Variants in GCN1 observed in about 807,000 individuals in gnomAD.
GCN1 encodes the protein GCN1 activator of EIF2AK4, also known as stalled ribosome sensor GCN1.
Under a neutral mutation model 288.4 loss-of-function variants are expected in GCN1, and 90 were observed. The ratio of observed to expected loss-of-function variants is 0.31; its 90% confidence interval spans 0.26 to 0.37. GCN1 has a LOEUF of 0.37. Among genes scored for constraint, GCN1 ranks in the 10% least tolerant of loss-of-function variants. The probability of loss-of-function intolerance (pLI) is 1.00; values close to 1 mark genes in which losing one functional copy is unlikely to be tolerated. For missense variants in GCN1, 2,586 were observed against 3,419.9 expected, an observed-to-expected ratio of 0.76 and a Z score of 6.08; for synonymous variants, 1,386 against 1,420.2, an observed-to-expected ratio of 0.98 and a Z score of 0.54.
Position 120,158,380 on chromosome 12 carries a change from T to G in GCN1, c.2905+80A>C. The G allele has an allele frequency of 8.1e-7, 1 of 1,235,342 alleles. No homozygotes were observed. 76.5% of individuals were successfully genotyped at this position (1,235,342 alleles called of 1,614,324 possible). A position where few individuals can be genotyped will look rare whatever the true frequency, so the allele number is the denominator to read the frequency against. On this transcript the variant is annotated intron_variant, in intron 25 of 57. Coordinates refer to ENST00000300648, the MANE Select transcript of GCN1 (RefSeq NM_006836.2). The surrounding 1 kb of genome is among the most constrained non-coding windows in gnomAD (Gnocchi z 4.3). ...CCAATCCCCCAGGCTCAGGAGGCCC[T>G]GGGTGACGCTGTGCCTTGAGCAGCA...
Position 120,134,072 on chromosome 12 carries a change from A to G in GCN1, c.7317+219T>C, listed in dbSNP as rs75914187. Among the ~76,000 whole-genome samples the G allele has an allele frequency of 0.023, 3,567 of 152,264 alleles. 163 individuals are homozygous for G. Among genetic ancestry groups the G allele is most frequent in the African/African-American group, 0.082 (3,405 of 41,520 alleles). ...ACACAGCAAGACTCAGCCAAAAAAC[A>G]AACAAACAAACGGAAATAACCAATA... is the stretch of plus-strand genomic sequence containing the variant. On this transcript the variant is annotated intron_variant, in intron 53 of 57. Coordinates refer to ENST00000300648, the MANE Select transcript of GCN1 (RefSeq NM_006836.2). This position sits in a 1 kb window ranked among gnomAD's most constrained non-coding sequence, Gnocchi z 5.0.
chr12:120,142,406 AGG>A lies in GCN1; in HGVS notation c.5829+99_5829+100del, dbSNP rs1877226019. On this transcript the variant is annotated intron_variant, in intron 44 of 57. Coordinates refer to ENST00000300648, the MANE Select transcript of GCN1 (RefSeq NM_006836.2). The surrounding 1 kb of genome is among the most constrained non-coding windows in gnomAD (Gnocchi z 4.9). ...AGAACACAATGTCCCTCTGTTAGGC[AGG>A]GTGGATGGGTACTTTCCCAGGCTCT... The A allele has an allele frequency of 5.3e-6, 4 of 760,106 alleles. No homozygotes were observed. Among genetic ancestry groups the A allele is most frequent in the Non-Finnish European group, 9.4e-6 (4 of 425,546 alleles). The allele number at this position is 760,106 out of a possible 1,614,324, so 47.1% of individuals were successfully genotyped here. A position where few individuals can be genotyped will look rare whatever the true frequency, so the allele number is the denominator to read the frequency against.
intron 16 of GCN1, 88 bp from the exon 17 acceptor site, chr12:120,164,809 T>C: frequency 1.2e-6 from 1 of 807,414 alleles, no homozygotes; most frequent in East Asian, 2.6e-5. Context: ...TGGAATGAAC[T>C]GAAAATTAAC....
At position 120,131,290 on chromosome 12, in the gene GCN1, G is replaced by A. The variant is rs1368724131; in HGVS notation, c.7458C>T (p.Ser2486=). The stretch of plus-strand genomic sequence containing the variant: ...CATTCACAGCCACGGAAAGTGCCAG[G>A]CTCCGCCCGTGCCGAACCATCCAGT... ...GIDWMVRHGR[S]LALSVAVNVA... is the part of the protein sequence containing the mutation. Residue 2486 remains serine (S), a synonymous_variant, in exon 55 of 58, where the codon AGC becomes AGT. Coordinates refer to ENST00000300648, the MANE Select transcript of GCN1 (RefSeq NM_006836.2). 6.2e-7 allele frequency: 1 copy of A among 1,613,910 alleles called. No individual in the cohort carries two copies. Among genetic ancestry groups the A allele is most frequent in the Non-Finnish European group, 8.5e-7 (1 of 1,179,982 alleles).
At chr12:120,145,769 A>G (rs1370883681) in intron 38 of GCN1, among the ~76,000 whole-genome samples, 1 of 152,226 alleles carries the variant, frequency 6.6e-6, no homozygotes, top group African/African-American at 2.4e-5. Context: ...AATACAGAAA[A>G]TGCCTTATGT....
Position 120,136,910 on chromosome 12 carries a change from G to T in GCN1, c.6778-178C>A, listed in dbSNP as rs76615305. 3.2e-4 allele frequency among the ~76,000 whole-genome samples: 49 copies of T among 152,288 alleles called. No homozygotes were observed. The East Asian group carries it at 9.1e-3, about 28-fold the overall frequency. ...CTGGCTATGGAACGGTCTTGGCAGA[G>T]AAAAGACGACAAGGGCCCCAACAGG... On this transcript the variant is annotated intron_variant, in intron 50 of 57. Coordinates refer to ENST00000300648, the MANE Select transcript of GCN1 (RefSeq NM_006836.2).
chr12:120,181,839 CAAAA>C (rs1253486479), intron 5 of GCN1, among the ~76,000 whole-genome samples: 5 of 59,970 alleles, frequency 8.3e-5, no homozygotes, highest in South Asian at 1.1e-3. Context: ...AACTCCGTCT[CAAAA>C]AAAAAAAAAA....
chr12:120,176,311 C>A, intron 9 of GCN1, 94 bp from the exon 10 acceptor site: 2 of 789,038 alleles, frequency 2.5e-6, no homozygotes, highest in Non-Finnish European at 2.2e-6. Flanking sequence ...GCCACTAGGC[C>A]TGCTGTCTGG....
chr12:120,163,111 A>G lies in GCN1; in HGVS notation c.1997T>C (p.Leu666Pro). Residue 666 changes from leucine to proline, a missense_variant, in exon 19 of 58, where the codon CTG (leucine) becomes CCG (proline). Around this residue, in one of 8 missense-constraint regions of GCN1, gnomAD observed 913 missense variants for 1,107.0 expected, o/e 0.82. Coordinates refer to ENST00000300648, the MANE Select transcript of GCN1 (RefSeq NM_006836.2). ...GGAGATGATCAGCATTTCCTGGGCC[A>G]GTTGTTCAGTGTCGGTGACATCACC... ...LKGDVTDTEQ[L>P]AQEMLIISHH... The G allele has an allele frequency of 6.2e-7, 1 of 1,614,218 alleles. No homozygotes were observed.
chr12:120,171,506 C>T (rs1015670848), intron 14 of GCN1, among the ~76,000 whole-genome samples: 2 of 152,088 alleles, frequency 1.3e-5, no homozygotes, highest in Admixed American at 6.5e-5. Flanking sequence ...TTTCTTCCCC[C>T]CTACCCCAAC....
intron 1 of GCN1, 102 bp downstream of exon 1, chr12:120,194,578 A>G (rs1441804685): frequency 5.6e-6 from 6 of 1,079,078 alleles, no homozygotes; most frequent in Middle Eastern, 2.0e-4. Context: ...CACAGCCACC[A>G]CCTCCAACGC....
At chr12:120,182,538 C>A (rs567705294) in intron 5 of GCN1, among the ~76,000 whole-genome samples, 1 of 152,156 alleles carries the variant, frequency 6.6e-6, no homozygotes, top group African/African-American at 2.4e-5. Context: ...CCTGGCTTTG[C>A]GACAACTCTT....
Position 120,142,710 on chromosome 12 carries a change from C to T in GCN1, c.5626G>A (p.Ala1876Thr), listed in dbSNP as rs898108936. ...TAQSNKAIIT[A>T]LGVERRNRVL... ...CGGTTCCGCCGCTCTACCCCCAGGG[C>T]AGTGATGATCGCCTGCAGCCAGTAG... The change falls in exon 44 of 58, where the codon GCC becomes ACC. Residue 1876 changes from alanine to threonine, a missense_variant. Coordinates refer to ENST00000300648, the MANE Select transcript of GCN1 (RefSeq NM_006836.2). This position sits in a 1 kb window ranked among gnomAD's most constrained non-coding sequence, Gnocchi z 4.9. The T allele has an allele frequency of 3.1e-6, 5 of 1,613,998 alleles. No individual in the cohort carries two copies. Among genetic ancestry groups the T allele is most frequent in the East Asian group, 2.2e-5 (1 of 44,900 alleles).
At position 120,163,219 on chromosome 12, in the gene GCN1, A is replaced by G. The variant is rs745628493; in HGVS notation, c.1889T>C (p.Val630Ala). 3.7e-6 allele frequency: 6 copies of G among 1,613,896 alleles called. No homozygotes were observed. Among genetic ancestry groups the G allele is most frequent in the Non-Finnish European group, 5.1e-6 (6 of 1,179,958 alleles). Residue 630 changes from valine (V) to alanine (A), a missense_variant, in exon 19 of 58, where the codon GTG becomes GCG. Around this residue, in one of 8 missense-constraint regions of GCN1, gnomAD observed 913 missense variants for 1,107.0 expected, o/e 0.82. Coordinates refer to ENST00000300648, the MANE Select transcript of GCN1 (RefSeq NM_006836.2). The part of the protein sequence containing the change: ...LEALVTDAGE[V>A]TEAGKAYVPP... ...CACGTAGGCCTTGCCTGCCTCAGTC[A>G]CCTCTCCAGCATCAGTCACCAAAGC... is the stretch of plus-strand genomic sequence containing the variant.
Position 120,155,313 on chromosome 12 carries a change from T to C in GCN1, c.3558A>G (p.Ala1186=). 2 of 1,614,204 alleles carry C rather than the reference T, an allele frequency of 1.2e-6. No individual in the cohort carries two copies. Among genetic ancestry groups the C allele is most frequent in the Non-Finnish European group, 1.7e-6 (2 of 1,180,042 alleles). Residue 1186 remains alanine (A), a synonymous_variant, in exon 30 of 58, where the codon GCA becomes GCG. Coordinates refer to ENST00000300648, the MANE Select transcript of GCN1 (RefSeq NM_006836.2). The surrounding 1 kb of genome is among the most constrained non-coding windows in gnomAD (Gnocchi z 4.9). ...CCGCCTGCCGCTGGTAACGTGCCAC[T>C]GCTTGGGAGAGGGCTTCGGCCCCTG... ...RQAGAEALSQ[A]VARYQRQAAE... is the part of the protein sequence containing the mutation.
At chr12:120,184,946 G>A (rs959707802) in intron 2 of GCN1, 59 bp from the exon 3 acceptor site, 3 of 1,143,980 alleles carry the variant, frequency 2.6e-6, no homozygotes, top group Non-Finnish European at 4.0e-6. Flanking sequence ...AGCCGCTGGA[G>A]TCAGGTATTC....
rs755948416 is a variant in GCN1, at chr12:120,156,968, C to T, written c.3112G>A (p.Val1038Met). ...CAAGTCAGAAGACGCAGCATGGCCA[C>T]GCGAGGCAGCAACTCCGGGCCATTC... is the stretch of plus-strand genomic sequence containing the variant. ...DENGPELLPR[V>M]AMLRLLTWVI... Residue 1038 changes from valine (V) to methionine (M), a missense_variant, in exon 27 of 58, where the codon GTG (valine) becomes ATG (methionine). Physicochemically the swap from Val to Met is conservative, Grantham distance 21. Around this residue, in one of 8 missense-constraint regions of GCN1, gnomAD observed 153 missense variants for 252.0 expected, o/e 0.61. Coordinates refer to ENST00000300648, the MANE Select transcript of GCN1 (RefSeq NM_006836.2). The surrounding 1 kb of genome is among the most constrained non-coding windows in gnomAD (Gnocchi z 5.8). 7 of 1,612,852 alleles carry T rather than the reference C, an allele frequency of 4.3e-6. No homozygotes were observed. Among genetic ancestry groups the T allele is most frequent in the African/African-American group, 1.3e-5 (1 of 74,886 alleles).
Position 120,131,267 on chromosome 12 carries a change from T to C in GCN1, c.7481A>G (p.Asn2494Ser). Residue 2494 changes from asparagine to serine, a missense_variant, in exon 55 of 58, where the codon AAT (asparagine) becomes AGT (serine). Physicochemically the swap from Asn to Ser is conservative, Grantham distance 46. Coordinates refer to ENST00000300648, the MANE Select transcript of GCN1 (RefSeq NM_006836.2). The part of the protein sequence containing the change: ...GRSLALSVAV[N>S]VAPGRLCAGR... ...GGCACAAAGTCTGCCAGGAGCCACA[T>C]TCACAGCCACGGAAAGTGCCAGGCT... 2 of 1,614,090 alleles carry C rather than the reference T, an allele frequency of 1.2e-6. No individual in the cohort carries two copies. Among genetic ancestry groups the C allele is most frequent in the Non-Finnish European group, 1.7e-6 (2 of 1,180,018 alleles).
Position 120,137,275 on chromosome 12 carries a change from G to C in GCN1, c.6708C>G (p.His2236Gln). Reference protein sequence around the residue: ...GNQLALIEELHKEIRLIGNES... With the variant: ...GNQLALIEELQKEIRLIGNES... ...CGTTCCCTATGAGCCGGATTTCCTT[G>C]TGCAGCTCTTCAATGAGTGCCAACT... is the stretch of plus-strand genomic sequence containing the variant. Residue 2236 changes from histidine (H) to glutamine (Q), a missense_variant, in exon 50 of 58, where the codon CAC becomes CAG. Coordinates refer to ENST00000300648, the MANE Select transcript of GCN1 (RefSeq NM_006836.2). This position sits in a 1 kb window ranked among gnomAD's most constrained non-coding sequence, Gnocchi z 5.2. 1 of 1,614,140 alleles carries C rather than the reference G, an allele frequency of 6.2e-7. No individual in the cohort carries two copies. The highest frequency in any genetic ancestry group is 8.5e-7 in the Non-Finnish European group (1 of 1,180,030).
Sources: allele counts gnomAD v4.1 joint callset (sites outside exome capture counted in the v4.1 genomes callset), GRCh38; gene constraint gnomAD v4.1.1; regional missense constraint gnomAD v4.1.1; non-coding constraint Gnocchi (gnomAD v3.1); transcripts MANE v1.5; gene names NCBI Gene and HGNC (gene_info 2026-07-23, HGNC 2026-07-21).